SLC44A4: variants seen among roughly 807,000 people sequenced by gnomAD.
The protein encoded by SLC44A4 is solute carrier family 44 member 4, also known as choline transporter-like protein 4.
Under a neutral mutation model 97.0 loss-of-function variants are expected in SLC44A4, and 74 were observed. That is an observed-to-expected ratio of 0.76 (90% CI 0.63 to 0.93). The LOEUF is 0.93. Among genes scored for constraint, SLC44A4 ranks in the 40% least tolerant of loss-of-function variants. The probability of loss-of-function intolerance (pLI) is 0.00; values close to 1 mark genes in which losing one functional copy is unlikely to be tolerated. For synonymous variants in SLC44A4, 325 were observed against 363.8 expected (o/e 0.89, Z 1.21); for missense variants, 799 against 902.9 (o/e 0.88, Z 1.48).
At position 31,874,853 on chromosome 6, in the gene SLC44A4, G is replaced by A. The variant is rs747763304; in HGVS notation, c.343-7C>T. ...GGCAGGAGGACACACACACCTGGGT[G>A]CAGAGAGAACACTAAGGGGCTGGAA... is the stretch of plus-strand genomic sequence containing the variant. On this transcript the variant is annotated splice_region_variant and splice_polypyrimidine_tract_variant and intron_variant, in intron 5 of 20. Transcript: ENST00000229729. The surrounding 1 kb of genome is among the most constrained non-coding windows in gnomAD (Gnocchi z 4.8). 1 of 1,612,484 alleles carries A rather than the reference G, an allele frequency of 6.2e-7. No individual in the cohort carries two copies. The highest frequency in any genetic ancestry group is 1.7e-5 in the Admixed American group (1 of 59,824).
chr6:31,874,601 CA>C lies in SLC44A4; in HGVS notation c.469-82del. ...GTCCCCTCACCACCACCATGGGGCT[CA>C]GCCTGTCCCACACTCCCCAGGAGAG... On this transcript the variant is annotated intron_variant, in intron 6 of 20. Coordinates refer to ENST00000229729, the MANE Select transcript of SLC44A4 (RefSeq NM_025257.3). The surrounding 1 kb of genome is among the most constrained non-coding windows in gnomAD (Gnocchi z 4.8). 1 of 1,572,914 alleles carries C rather than the reference CA, an allele frequency of 6.4e-7. No individual in the cohort carries two copies. Among genetic ancestry groups the C allele is most frequent in the Non-Finnish European group, 8.6e-7 (1 of 1,158,310 alleles).
chr6:31,870,809 C>T lies in SLC44A4; in HGVS notation c.937+3G>A. ...GTGGCTTGGGGGTGGGCAGGACACT[C>T]ACGGGCGGCCAGCCAGGTCTCCTGC... On this transcript the variant is annotated splice_donor_region_variant and intron_variant, in intron 10 of 20. Transcript: ENST00000229729. 1 of 1,613,054 alleles carries T rather than the reference C, an allele frequency of 6.2e-7. No homozygotes were observed. The highest frequency in any genetic ancestry group is 8.5e-7 in the Non-Finnish European group (1 of 1,180,002).
At chr6:31,869,471 C>T (rs987179845) in intron 12 of SLC44A4, 74 bp downstream of exon 12, 25 of 1,316,094 alleles carry the variant, frequency 1.9e-5, no homozygotes, top group Non-Finnish European at 2.6e-5. Flanking sequence ...AGGCACTCTA[C>T]AGGGCAAGTA....
intron 20 of SLC44A4, 49 bp downstream of exon 20, chr6:31,864,603 C>A (rs746841869): frequency 5.4e-6 from 8 of 1,484,462 alleles, no homozygotes; most frequent in South Asian, 4.7e-5. Context: ...AATGCTTGAA[C>A]GGCTCAGTAC....
In SLC44A4 at chr6:31,874,869, G is replaced by T. The variant is rs1175803971; in HGVS notation, c.343-23C>A. 2.5e-6 allele frequency: 4 copies of T among 1,612,862 alleles called. No homozygotes were observed. In the Admixed American group the frequency reaches 6.7e-5, roughly 27 times the overall value. On this transcript the variant is annotated intron_variant, in intron 5 of 20. Transcript: ENST00000229729. This position sits in a 1 kb window ranked among gnomAD's most constrained non-coding sequence, Gnocchi z 4.8. ...CACCTGGGTGCAGAGAGAACACTAA[G>T]GGGCTGGAACCTGAGACCCTGGGTG... is the stretch of plus-strand genomic sequence containing the variant.
rs1451498613 is a variant in SLC44A4, at chr6:31,878,544, C to T, written c.40+397G>A. On this transcript the variant is annotated intron_variant, in intron 1 of 20. Coordinates refer to ENST00000229729, the MANE Select transcript of SLC44A4 (RefSeq NM_025257.3). This position sits in a 1 kb window ranked among gnomAD's most constrained non-coding sequence, Gnocchi z 4.0. ...GGACCCTGGCCTCACTGGTTGCAGG[C>T]TCTGCAGCACAGGACACTCCCAGCA... is the stretch of plus-strand genomic sequence containing the variant. Among the ~76,000 whole-genome samples, 1 of 152,150 alleles carries T rather than the reference C, an allele frequency of 6.6e-6. No individual in the cohort carries two copies. The highest frequency in any genetic ancestry group is 1.5e-5 in the Non-Finnish European group (1 of 68,014).
In SLC44A4 at chr6:31,877,163, C is replaced by G; in HGVS notation, c.41-81G>C. On this transcript the variant is annotated intron_variant, in intron 1 of 20. Transcript: ENST00000229729. The surrounding 1 kb of genome is among the most constrained non-coding windows in gnomAD (Gnocchi z 6.5). ...TGCTGAGTCCTCCTAGCCCCAGGATCCTACCCAGGCCTCAGGTGTTTGGAG... is the reference window on the plus strand; with the variant it reads ...TGCTGAGTCCTCCTAGCCCCAGGATGCTACCCAGGCCTCAGGTGTTTGGAG... 1 of 1,424,218 alleles carries G rather than the reference C, an allele frequency of 7.0e-7. No individual in the cohort carries two copies. Among genetic ancestry groups the G allele is most frequent in the Non-Finnish European group, 9.7e-7 (1 of 1,031,830 alleles). The allele number at this position is 1,424,218 out of a possible 1,614,324, so 88.2% of individuals were successfully genotyped here.
chr6:31,875,369 C>G (rs971302257), intron 4 of SLC44A4, among the ~76,000 whole-genome samples: 1 of 152,134 alleles, frequency 6.6e-6, no homozygotes, highest in Non-Finnish European at 1.5e-5. Flanking sequence ...GATTTCAATG[C>G]GCTTGTGTGT....
In SLC44A4 at chr6:31,870,828, C is replaced by G; in HGVS notation, c.921G>C (p.Glu307Asp). Residue 307 changes from glutamate (E) to aspartate (D), a missense_variant, in exon 10 of 21, where the codon GAG (glutamate) becomes GAC (aspartate). This residue lies in a region of SLC44A4 where 409 missense variants were observed against 434.1 expected (regional missense o/e 0.94). Transcript: ENST00000229729. ...GACACTCACGGGCGGCCAGCCAGGT[C>G]TCCTGCACGCTCTGGTAGGCACTGA... ...TNLSAYQSVQ[E>D]TWLAALIVLA... The G allele has an allele frequency of 6.2e-7, 1 of 1,613,040 alleles. No individual in the cohort carries two copies. The highest frequency in any genetic ancestry group is 1.7e-5 in the Admixed American group (1 of 60,028).
chr6:31,874,471 G>A lies in SLC44A4; in HGVS notation c.518C>T (p.Pro173Leu). 6.2e-7 allele frequency: 1 copy of A among 1,613,092 alleles called. No homozygotes were observed. Among genetic ancestry groups the A allele is most frequent in the Non-Finnish European group, 8.5e-7 (1 of 1,180,038 alleles). Residue 173 changes from proline (P) to leucine (L), a missense_variant, in exon 7 of 21, where the codon CCC becomes CTC. By Grantham distance (98) the Pro-to-Leu change is moderately conservative (BLOSUM62 -3). Around this residue, in one of 3 missense-constraint regions of SLC44A4, gnomAD observed 409 missense variants for 434.1 expected, o/e 0.94. Coordinates refer to ENST00000229729, the MANE Select transcript of SLC44A4 (RefSeq NM_025257.3). The surrounding 1 kb of genome is among the most constrained non-coding windows in gnomAD (Gnocchi z 4.8). ...QQELCPSFLL[P>L]SAPALGRCFP... is the part of the protein sequence containing the mutation. ...TCTGTGCTTCTCACCTGGAGCAGAG[G>A]GGAGGAGGAAACTGGGGCAGAGTTC...
rs1340881459 is a variant in SLC44A4 at position 31,876,675 on chromosome 6, C to T, written c.89+359G>A. ...GATCACTTGAGCACAGGAGTTCGAG[C>T]CTGCAGTGAACCCCCATCTCCAAAA... On this transcript the variant is annotated intron_variant, in intron 2 of 20. Transcript: ENST00000229729. The surrounding 1 kb of genome is among the most constrained non-coding windows in gnomAD (Gnocchi z 4.8). Among the ~76,000 whole-genome samples the T allele has an allele frequency of 6.6e-6, 1 of 152,050 alleles. No individual in the cohort carries two copies. The highest frequency in any genetic ancestry group is 2.4e-5 in the African/African-American group (1 of 41,390).
intron 7 of SLC44A4, among the ~76,000 whole-genome samples, chr6:31,873,785 T>C (rs192047346): frequency 6.6e-6 from 1 of 151,526 alleles, no homozygotes; most frequent in African/African-American, 2.4e-5. Context: ...AAAAATGATA[T>C]GTGTGCAGGC....
At chr6:31,863,805 G>A (rs915876892) in intron 20 of SLC44A4, 57 bp from the exon 21 acceptor site, 13 of 1,606,006 alleles carry the variant, frequency 8.1e-6, no homozygotes, top group Non-Finnish European at 1.1e-5. Context: ...ATCGGGGACT[G>A]GGAGGCAAGC....
In SLC44A4 at chr6:31,876,091, AGCAGGAAGAGGAC is replaced by A. The variant is rs752676366; in HGVS notation, c.115_127del (p.Val39SerfsTer4). On this transcript the variant is annotated frameshift_variant, in exon 3 of 21. Coordinates refer to ENST00000229729, the MANE Select transcript of SLC44A4 (RefSeq NM_025257.3). LOFTEE classifies it high-confidence loss of function. The surrounding 1 kb of genome is among the most constrained non-coding windows in gnomAD (Gnocchi z 4.8). The stretch of plus-strand genomic sequence containing the variant: ...CACCACGATGTAACCTAGAATGAAG[AGCAGGAAGAGGAC>A]GCAGCAGATGACATCTGTGCAGCTT... 5.0e-6 allele frequency: 8 copies of A among 1,613,874 alleles called. No homozygotes were observed. In the East Asian group the frequency reaches 1.8e-4, roughly 36 times the overall value.
At chr6:31,871,668 G>T in intron 7 of SLC44A4, 107 bp from the exon 8 acceptor site, 2 of 807,910 alleles carry the variant, frequency 2.5e-6, no homozygotes, top group Non-Finnish European at 2.1e-6. Flanking sequence ...AGGGTGATGG[G>T]CCTTGCATCC....
intron 13 of SLC44A4, among the ~76,000 whole-genome samples, chr6:31,868,025 C>A (rs1320976517): frequency 6.6e-6 from 1 of 152,064 alleles, no homozygotes; most frequent in Non-Finnish European, 1.5e-5. Context: ...GTCATGTTGG[C>A]CAGGCTGGTC....
In SLC44A4 at chr6:31,865,641, C is replaced by T; in HGVS notation, c.1583-40G>A. On this transcript the variant is annotated intron_variant, in intron 15 of 20. Transcript: ENST00000229729. The surrounding 1 kb of genome is among the most constrained non-coding windows in gnomAD (Gnocchi z 5.2). The stretch of plus-strand genomic sequence containing the variant: ...GGCTCATGTTTGGTCACTGCCCCTC[C>T]CTAATGGCCTTCCCCAGCTCCTGAC... 1 of 1,611,470 alleles carries T rather than the reference C, an allele frequency of 6.2e-7. No individual in the cohort carries two copies. Among genetic ancestry groups the T allele is most frequent in the Non-Finnish European group, 8.5e-7 (1 of 1,178,536 alleles).
chr6:31,863,860 C>G (rs906930929), intron 20 of SLC44A4, 112 bp from the exon 21 acceptor site: 1 of 1,426,262 alleles, frequency 7.0e-7, no homozygotes, highest in Non-Finnish European at 9.6e-7. Flanking sequence ...ACCCTTACCC[C>G]CGGGCAGGTT....
intron 9 of SLC44A4, 133 bp downstream of exon 9, chr6:31,871,181 G>A (rs1198123078): frequency 7.8e-7 from 1 of 1,275,946 alleles, no homozygotes; most frequent in Non-Finnish European, 1.1e-6. Context: ...AATCCTGTTG[G>A]TCTTGGAATC....
Sources: allele counts gnomAD v4.1 joint callset (sites outside exome capture counted in the v4.1 genomes callset), GRCh38; gene constraint gnomAD v4.1.1; regional missense constraint gnomAD v4.1.1; non-coding constraint Gnocchi (gnomAD v3.1); transcripts MANE v1.5; gene names NCBI Gene and HGNC (gene_info 2026-07-23, HGNC 2026-07-21).